NAA35: variants seen among roughly 807,000 people sequenced by gnomAD.
The protein encoded by NAA35 is MAK10 homolog, amino-acid N-acetyltransferase subunit.
NAA35 carries 18 observed loss-of-function variants against 101.7 expected under a neutral mutation model. That is an observed-to-expected ratio of 0.18 (90% CI 0.12 to 0.26). NAA35 has a LOEUF of 0.26. Among genes scored for constraint, NAA35 ranks in the 10% least tolerant of loss-of-function variants. The pLI, the probability that NAA35 is intolerant of heterozygous loss-of-function variation, is 1.00. For synonymous variants in NAA35, 267 were observed against 273.1 expected (o/e 0.98, Z 0.22); for missense variants, 601 against 886.8 (o/e 0.68, Z 4.09).
intron 2 of NAA35, among the ~76,000 whole-genome samples, chr9:85,951,856 C>T (rs1409180628): frequency 3.3e-5 from 5 of 152,138 alleles, no homozygotes; most frequent in South Asian, 2.1e-4. Flanking sequence ...GACGGGGTTT[C>T]GCCATGTTGG....
chr9:85,962,230 C>G (rs1279640177), intron 6 of NAA35, 50 bp downstream of exon 6: 1 of 1,569,882 alleles, frequency 6.4e-7, no homozygotes, highest in Non-Finnish European at 8.6e-7. Context: ...GTGGCTCATG[C>G]CTGTAATCTC....
intron 3 of NAA35, among the ~76,000 whole-genome samples, chr9:85,958,216 C>T (rs559605615): frequency 6.6e-6 from 1 of 152,184 alleles, no homozygotes; most frequent in Non-Finnish European, 1.5e-5. Flanking sequence ...GCTGGGATTA[C>T]AGGTGTGAGC....
At chr9:86,015,086 G>T (rs1006563739) in intron 17 of NAA35, among the ~76,000 whole-genome samples, 1 of 152,088 alleles carries the variant, frequency 6.6e-6, no homozygotes, top group Non-Finnish European at 1.5e-5. Context: ...TTTTATAGGG[G>T]AACATGCTCA....
At chr9:86,016,019 T>TA (rs1832199249) in intron 17 of NAA35, among the ~76,000 whole-genome samples, 2 of 150,336 alleles carry the variant, frequency 1.3e-5, no homozygotes, top group African/African-American at 4.9e-5. Context: ...ATATATATTT[T>TA]TATATATATA....
rs949477317 is a variant in NAA35, at chr9:85,958,390, G to A, written c.159-82G>A. ...TAGAATACTTTAGTTATTAAAAGTA[G>A]TATAATTTTATACCGTTGTGAAAAT... On this transcript the variant is annotated intron_variant, in intron 3 of 22. Coordinates refer to ENST00000361671, the MANE Select transcript of NAA35 (RefSeq NM_024635.4). 1.2e-5 allele frequency: 9 copies of A among 759,342 alleles called. No homozygotes were observed. The African/African-American group carries it at 1.6e-4, about 14-fold the overall frequency. 47.0% of individuals were successfully genotyped at this position (759,342 alleles called of 1,614,324 possible).
chr9:85,977,870 A>G (rs572223323), intron 10 of NAA35, among the ~76,000 whole-genome samples: 272 of 152,214 alleles, frequency 1.8e-3, no homozygotes, highest in African/African-American at 6.2e-3. Flanking sequence ...TGAATAATTT[A>G]TAAGTGGTGA....
chr9:86,020,991 T>C (rs746821922), intron 22 of NAA35, 22 bp downstream of exon 22: 8 of 1,553,564 alleles, frequency 5.1e-6, no homozygotes, highest in Non-Finnish European at 7.1e-6. Context: ...GTGGGAAAAA[T>C]AAGTGGTCTT....
At chr9:85,984,978 A>T (rs1830589847) in intron 11 of NAA35, among the ~76,000 whole-genome samples, 1 of 152,052 alleles carries the variant, frequency 6.6e-6, no homozygotes, top group African/African-American at 2.4e-5. Flanking sequence ...AAACCTGCAT[A>T]AAAAAATGGG....
intron 11 of NAA35, among the ~76,000 whole-genome samples, chr9:85,982,516 T>C (rs1040967143): frequency 1.3e-5 from 2 of 152,210 alleles, no homozygotes; most frequent in African/African-American, 4.8e-5. Context: ...TCTCTTTCCA[T>C]GTTCACTCAT....
At chr9:86,002,265 G>A (rs1355032289) in intron 12 of NAA35, among the ~76,000 whole-genome samples, 1 of 152,006 alleles carries the variant, frequency 6.6e-6, no homozygotes, top group East Asian at 1.9e-4. Context: ...TAGGTTACTC[G>A]CCCTTTCTTT....
At position 86,023,052 on chromosome 9, in the gene NAA35, A is replaced by G. The variant is rs1349741343; in HGVS notation, c.*1092A>G. Reference sequence around the variant, plus strand: ...CTGATTTGGTACCTTTCATAAAAACATGATAGTATAGTGAAACTTTTCTGG... The same window carrying G: ...CTGATTTGGTACCTTTCATAAAAACGTGATAGTATAGTGAAACTTTTCTGG... On this transcript the variant is annotated 3_prime_UTR_variant, in exon 23 of 23. Coordinates refer to ENST00000361671, the MANE Select transcript of NAA35 (RefSeq NM_024635.4). 6.6e-6 allele frequency among the ~76,000 whole-genome samples: 1 copy of G among 152,200 alleles called. No individual in the cohort carries two copies. Among genetic ancestry groups the G allele is most frequent in the Non-Finnish European group, 1.5e-5 (1 of 68,032 alleles).
rs1261714416 is a variant in NAA35, at chr9:86,024,537, T to C, written c.*2577T>C. Reference sequence around the variant, plus strand: ...GGGAAGCCAGTCACGTGAGAGAAAATGTTGGTCTTAACAAAGGTAGTGGCA... The same window carrying C: ...GGGAAGCCAGTCACGTGAGAGAAAACGTTGGTCTTAACAAAGGTAGTGGCA... On this transcript the variant is annotated 3_prime_UTR_variant, in exon 23 of 23. Coordinates refer to ENST00000361671, the MANE Select transcript of NAA35 (RefSeq NM_024635.4). 2.0e-5 allele frequency among the ~76,000 whole-genome samples: 3 copies of C among 151,982 alleles called. No homozygotes were observed. Among genetic ancestry groups the C allele is most frequent in the Admixed American group, 2.0e-4 (3 of 15,256 alleles).
chr9:86,001,096 C>T (rs1049567210), intron 12 of NAA35, among the ~76,000 whole-genome samples: 1 of 152,148 alleles, frequency 6.6e-6, no homozygotes, highest in Admixed American at 6.5e-5. Flanking sequence ...TCTTTGTTCT[C>T]ATTATTTTCA....
chr9:85,976,633 A>G (rs909380438), intron 8 of NAA35, 52 bp from the exon 9 acceptor site: 24 of 1,298,868 alleles, frequency 1.8e-5, no homozygotes, highest in Non-Finnish European at 2.5e-5. Context: ...ATGTATTTGT[A>G]ATGTAATATT....
chr9:85,947,109 C>A (rs1242062676), intron 2 of NAA35, among the ~76,000 whole-genome samples: 2 of 152,152 alleles, frequency 1.3e-5, no homozygotes, highest in Non-Finnish European at 2.9e-5. Flanking sequence ...CACTGCAGTA[C>A]ATTAAATGCT....
At chr9:86,020,843 T>A in intron 21 of NAA35, 46 bp from the exon 22 acceptor site, 2 of 1,479,172 alleles carry the variant, frequency 1.4e-6, no homozygotes, top group East Asian at 4.6e-5. Flanking sequence ...AAGAGAAATT[T>A]TGACTATGAA....
chr9:85,951,269 C>G (rs1829009327), intron 2 of NAA35, among the ~76,000 whole-genome samples: 1 of 152,124 alleles, frequency 6.6e-6, no homozygotes, highest in South Asian at 2.1e-4. Context: ...CAAATCACTT[C>G]AATGTCTGGC....
At chr9:85,941,999 G>A (rs1462158034) in intron 1 of NAA35, 156 bp from the exon 2 acceptor site, 2 of 1,295,336 alleles carry the variant, frequency 1.5e-6, no homozygotes, top group Admixed American at 3.2e-5. Context: ...ATTGCATTAA[G>A]GTTATTCTTT....
chr9:85,964,204 A>G (rs112699398), intron 6 of NAA35, among the ~76,000 whole-genome samples: 21 of 152,036 alleles, frequency 1.4e-4, no homozygotes, highest in African/African-American at 5.1e-4. Context: ...ACCAGCACAA[A>G]GAACATATGA....
Sources: allele counts gnomAD v4.1 joint callset (sites outside exome capture counted in the v4.1 genomes callset), GRCh38; gene constraint gnomAD v4.1.1; transcripts MANE v1.5; gene names NCBI Gene and HGNC (gene_info 2026-07-23, HGNC 2026-07-21).